UBE2Q2: variants seen among roughly 807,000 people sequenced by gnomAD.
UBE2Q2 encodes the protein ubiquitin conjugating enzyme E2 Q2, also known as ubiquitin-conjugating enzyme E2 Q2.
In UBE2Q2, 54 loss-of-function variants were observed where a neutral mutation model predicts 59.9. That is an observed-to-expected ratio of 0.90 (90% CI 0.72 to 1.13). UBE2Q2 has a LOEUF of 1.13. Ranked by LOEUF, UBE2Q2 falls within the 50% of genes most tolerant of loss-of-function variation. UBE2Q2 has a pLI of 0.00. For synonymous variants in UBE2Q2, 165 were observed against 155.2 expected (o/e 1.06, Z -0.47); for missense variants, 433 against 441.9 (o/e 0.98, Z 0.18).
chr15:75,887,377 A>C (rs1898838931), intron 9 of UBE2Q2, among the ~76,000 whole-genome samples: 1 of 152,178 alleles, frequency 6.6e-6, no homozygotes, highest in African/African-American at 2.4e-5. Flanking sequence ...TGGAGGTTGA[A>C]GGAAAATGAT....
chr15:75,867,592 C>A (rs1181585865), intron 3 of UBE2Q2, among the ~76,000 whole-genome samples: 1 of 152,088 alleles, frequency 6.6e-6, no homozygotes, highest in African/African-American at 2.4e-5. Flanking sequence ...CTTAGGGTTT[C>A]CCACGATTAA....
At position 75,876,111 on chromosome 15, in the gene UBE2Q2, A is replaced by G. The variant is rs933069491; in HGVS notation, c.589-76A>G. ...TTGAGTGGTGATCCATTTTTGCTGT[A>G]ATCTTTTAGATCAGGTTGAAATATC... On this transcript the variant is annotated intron_variant, in intron 5 of 12. Coordinates refer to ENST00000267938, the MANE Select transcript of UBE2Q2 (RefSeq NM_173469.4). The G allele has an allele frequency of 7.5e-6, 10 of 1,338,434 alleles. No individual in the cohort carries two copies. In the South Asian group the frequency reaches 1.1e-4, roughly 15 times the overall value. 82.9% of individuals were successfully genotyped at this position (1,338,434 alleles called of 1,614,324 possible).
chr15:75,865,040 T>C (rs1322811726), intron 3 of UBE2Q2, among the ~76,000 whole-genome samples: 2 of 152,236 alleles, frequency 1.3e-5, no homozygotes, highest in Non-Finnish European at 2.9e-5. Context: ...GTATTAAAAA[T>C]ATGTAAAACA....
At chr15:75,894,725 A>C (rs1899299772) in intron 11 of UBE2Q2, among the ~76,000 whole-genome samples, 1 of 152,052 alleles carries the variant, frequency 6.6e-6, no homozygotes, top group Non-Finnish European at 1.5e-5. Context: ...TGGGCTTTTG[A>C]GTACCTTGCT....
At chr15:75,876,638 A>AT (rs1898096946) in intron 6 of UBE2Q2, among the ~76,000 whole-genome samples, 1 of 152,098 alleles carries the variant, frequency 6.6e-6, no homozygotes, top group Non-Finnish European at 1.5e-5. Flanking sequence ...GATTTTTATG[A>AT]TTCCCCCCCA....
intron 3 of UBE2Q2, among the ~76,000 whole-genome samples, chr15:75,866,179 CTT>C (rs879448039): frequency 2.0e-5 from 3 of 146,364 alleles, no homozygotes; most frequent in African/African-American, 2.5e-5. Context: ...TTCAGTTTTA[CTT>C]TTTTTTTTTG....
At chr15:75,895,902 T>C (rs1364564856) in intron 11 of UBE2Q2, among the ~76,000 whole-genome samples, 1 of 152,182 alleles carries the variant, frequency 6.6e-6, no homozygotes, top group Admixed American at 6.5e-5. Flanking sequence ...ACTCAGCAGA[T>C]ATACGTACAA....
Position 75,854,427 on chromosome 15 carries a change from T to A in UBE2Q2, c.222T>A (p.Ser74=). ...CTTCACCGATATGGTTTGTGGATTC[T>A]GAAGACCCAAATCTGACATCAGTTC... ...PSSSPIWFVD[S]EDPNLTSVLE... is the part of the protein sequence containing the mutation. The change falls in exon 2 of 13, where the codon TCT becomes TCA. Residue 74 remains serine, a synonymous_variant. Transcript: ENST00000267938. 6.2e-7 allele frequency: 1 copy of A among 1,613,596 alleles called. No homozygotes were observed. The highest frequency in any genetic ancestry group is 8.5e-7 in the Non-Finnish European group (1 of 1,179,686).
chr15:75,873,130 T>A (rs1433859335), intron 4 of UBE2Q2, among the ~76,000 whole-genome samples: 1 of 152,362 alleles, frequency 6.6e-6, no homozygotes, highest in East Asian at 1.9e-4. Context: ...GCTGCTAAAC[T>A]GTTTTAAAGG....
chr15:75,883,319 C>A (rs760452081), intron 8 of UBE2Q2, 47 bp from the exon 9 acceptor site: 1 of 1,501,182 alleles, frequency 6.7e-7, no homozygotes, highest in Non-Finnish European at 9.3e-7. Flanking sequence ...TAGTATAACA[C>A]TAAGGATGTT....
intron 2 of UBE2Q2, among the ~76,000 whole-genome samples, chr15:75,858,344 C>CT (rs1204150910): frequency 1.3e-5 from 2 of 152,168 alleles, no homozygotes; most frequent in African/African-American, 4.8e-5. Flanking sequence ...TCCTAGCACT[C>CT]TATCAGCCCC....
In UBE2Q2 at chr15:75,885,129, T is replaced by C. The variant is rs10162820; in HGVS notation, c.884+1705T>C. Among the ~76,000 whole-genome samples, 71 of 152,270 alleles carry C rather than the reference T, an allele frequency of 4.7e-4. 1 individual carries two copies. Among genetic ancestry groups the C allele is most frequent in the South Asian group, 1.7e-3 (8 of 4,826 alleles). ...CACTAATAGTAGTGGGGTTTTTTTT[T>C]ATTTGTTTTTTGAGACGGGGTCTCA... is the stretch of plus-strand genomic sequence containing the variant. On this transcript the variant is annotated intron_variant, in intron 9 of 12. Coordinates refer to ENST00000267938, the MANE Select transcript of UBE2Q2 (RefSeq NM_173469.4).
At chr15:75,863,723 G>A (rs1345802373) in intron 3 of UBE2Q2, among the ~76,000 whole-genome samples, 1 of 151,546 alleles carries the variant, frequency 6.6e-6, no homozygotes, top group Admixed American at 6.6e-5. Flanking sequence ...GCTCACTGCA[G>A]CCTCCGCTTC....
At chr15:75,850,402 A>G (rs1319486619) in intron 1 of UBE2Q2, among the ~76,000 whole-genome samples, 2 of 152,152 alleles carry the variant, frequency 1.3e-5, no homozygotes, top group African/African-American at 2.4e-5. Context: ...GATCCGTGTT[A>G]TAACTTACTC....
intron 3 of UBE2Q2, among the ~76,000 whole-genome samples, chr15:75,864,102 A>G (rs1356222508): frequency 1.3e-5 from 2 of 152,198 alleles, no homozygotes; most frequent in East Asian, 3.8e-4. Flanking sequence ...TTGCATTTCT[A>G]TAGTAAACAC....
At chr15:75,877,874 C>T (rs1266337013) in intron 6 of UBE2Q2, 87 bp from the exon 7 acceptor site, 15 of 1,206,072 alleles carry the variant, frequency 1.2e-5, no homozygotes, top group Non-Finnish European at 1.6e-5. Context: ...TTCTAGCTTT[C>T]GTTGGCTATT....
Position 75,843,807 on chromosome 15 carries a change from C to T in UBE2Q2, c.141C>T (p.His47=). The change falls in exon 1 of 13, where the codon CAC becomes CAT. Residue 47 remains histidine, a synonymous_variant. Transcript: ENST00000267938. ...TGGTGCCGCAGCAGGGCAGCCCGCA[C>T]TCGCTGCCGCCGCCACTCACGCTCC... ...QFLVPQQGSP[H]SLPPPLTLHC... 1 of 1,601,564 alleles carries T rather than the reference C, an allele frequency of 6.2e-7. No homozygotes were observed. Among genetic ancestry groups the T allele is most frequent in the Admixed American group, 1.7e-5 (1 of 58,836 alleles).
intron 9 of UBE2Q2, among the ~76,000 whole-genome samples, chr15:75,886,082 G>A (rs1898749115): frequency 6.6e-6 from 1 of 151,770 alleles, no homozygotes; most frequent in African/African-American, 2.4e-5. Context: ...CTTTAACGAA[G>A]CCTTTACTGA....
chr15:75,845,074 G>A (rs1195201487), intron 1 of UBE2Q2, among the ~76,000 whole-genome samples: 2 of 152,070 alleles, frequency 1.3e-5, no homozygotes, highest in Non-Finnish European at 2.9e-5. Flanking sequence ...AGTCGTCCTC[G>A]CTCTCAGAAC....
Sources: allele counts gnomAD v4.1 joint callset (sites outside exome capture counted in the v4.1 genomes callset), GRCh38; gene constraint gnomAD v4.1.1; transcripts MANE v1.5; gene names NCBI Gene and HGNC (gene_info 2026-07-23, HGNC 2026-07-21).